The following NUSAP1 variants were observed in gnomAD, a reference collection of about 807,000 sequenced individuals.
NUSAP1 encodes the protein nucleolar and spindle associated protein 1.
Under a neutral mutation model 52.8 loss-of-function variants are expected in NUSAP1, and 32 were observed. The observed-to-expected ratio is 0.61, with a 90% CI of 0.46 to 0.81. NUSAP1 has a LOEUF of 0.81. Ranked by LOEUF, NUSAP1 falls within the 40% of genes least tolerant of loss-of-function variation. NUSAP1 has a pLI of 0.00. For missense variants in NUSAP1, 499 were observed against 522.3 expected, an observed-to-expected ratio of 0.96 and a Z score of 0.43; for synonymous variants, 195 against 183.1, an observed-to-expected ratio of 1.06 and a Z score of -0.52.
At chr15:41,359,678 C>G (rs921125009) in intron 6 of NUSAP1, among the ~76,000 whole-genome samples, 1 of 151,238 alleles carries the variant, frequency 6.6e-6, no homozygotes, top group African/African-American at 2.4e-5. Flanking sequence ...GTTGCCCAGA[C>G]TGGAGGGCAA....
intron 7 of NUSAP1, among the ~76,000 whole-genome samples, chr15:41,370,959 G>A (rs958501702): frequency 6.6e-6 from 1 of 152,068 alleles, no homozygotes; most frequent in African/African-American, 2.4e-5. Flanking sequence ...GACATCTTAT[G>A]AATTGTAAAA....
At chr15:41,336,045 A>G (rs976655689) in intron 1 of NUSAP1, among the ~76,000 whole-genome samples, 3 of 150,910 alleles carry the variant, frequency 2.0e-5, no homozygotes, top group African/African-American at 7.3e-5. Flanking sequence ...GTCTCACCTG[A>G]GGTCAGGAGT....
At chr15:41,348,327 C>A (rs1405659777) in intron 2 of NUSAP1, among the ~76,000 whole-genome samples, 1 of 152,160 alleles carries the variant, frequency 6.6e-6, no homozygotes, top group Non-Finnish European at 1.5e-5. Flanking sequence ...GATCCACCAG[C>A]CTTGGCCTCC....
At chr15:41,365,153 A>G (rs2049339393) in intron 6 of NUSAP1, among the ~76,000 whole-genome samples, 1 of 152,058 alleles carries the variant, frequency 6.6e-6, no homozygotes, top group Non-Finnish European at 1.5e-5. Flanking sequence ...TCAGAGGCCA[A>G]GTCTTTTTGT....
chr15:41,367,702 G>A (rs1184905692), intron 7 of NUSAP1, among the ~76,000 whole-genome samples: 1 of 152,160 alleles, frequency 6.6e-6, no homozygotes, highest in African/African-American at 2.4e-5. Flanking sequence ...TTCTCCCGTA[G>A]TAAGGACTGT....
rs75426159 is a variant in NUSAP1, at chr15:41,336,648, G to GTTTTTTTTTTTTTTT, written c.93+3605_93+3619dup. ...TGGGCATTTGATCCTCCTCCTTTTGGTTTTTTTTTTTTTTTTTTTTTGAGA... is the reference window on the plus strand; with the variant it reads ...TGGGCATTTGATCCTCCTCCTTTTGGTTTTTTTTTTTTTTTTTTTTTTTTTTTTTTTTTTTTGAGA... On this transcript the variant is annotated intron_variant, in intron 1 of 10. Transcript: ENST00000559596. Among the ~76,000 whole-genome samples the GTTTTTTTTTTTTTTT allele has an allele frequency of 6.7e-4, 61 of 91,350 alleles. 2 individuals are homozygous for GTTTTTTTTTTTTTTT. Among genetic ancestry groups the GTTTTTTTTTTTTTTT allele is most frequent in the African/African-American group, 2.3e-3 (58 of 24,958 alleles). The allele number at this position is 91,350 out of a possible 152,430, so 59.9% of individuals were successfully genotyped here.
chr15:41,344,624 C>A (rs938421667), intron 2 of NUSAP1, among the ~76,000 whole-genome samples: 1 of 150,328 alleles, frequency 6.7e-6, no homozygotes, highest in Admixed American at 6.7e-5. Flanking sequence ...GGCGACAAAG[C>A]GAGACTCCGT....
chr15:41,355,461 G>A (rs1344398462), intron 4 of NUSAP1, among the ~76,000 whole-genome samples: 3 of 151,880 alleles, frequency 2.0e-5, no homozygotes, highest in Admixed American at 6.6e-5. Context: ...GGGAGCCACC[G>A]CGGCGCCTGA....
At chr15:41,363,853 T>C (rs1248386158) in intron 6 of NUSAP1, among the ~76,000 whole-genome samples, 1 of 152,234 alleles carries the variant, frequency 6.6e-6, no homozygotes, top group Non-Finnish European at 1.5e-5. Context: ...CTAAGACAGA[T>C]ACCCTAAGTG....
At position 41,356,132 on chromosome 15, in the gene NUSAP1, C is replaced by G; in HGVS notation, c.542C>G (p.Thr181Ser). 6.3e-7 allele frequency: 1 copy of G among 1,586,162 alleles called. No homozygotes were observed. The highest frequency in any genetic ancestry group is 8.6e-7 in the Non-Finnish European group (1 of 1,160,384). ...GGAAAAAATAAAAGAACTGCAATCA[C>G]TACTCCAAGTAAGTTTTGTAGACAA... ...KPGKNKRTAI[T>S]TPNFKKLHEA... The change falls in exon 5 of 11, where the codon ACT (threonine) becomes AGT (serine). Residue 181 changes from threonine (T) to serine (S), a missense_variant. Thr to Ser is a moderately conservative substitution (Grantham distance 58). Coordinates refer to ENST00000559596, the MANE Select transcript of NUSAP1 (RefSeq NM_016359.5).
At chr15:41,369,340 T>C (rs562611917) in intron 7 of NUSAP1, among the ~76,000 whole-genome samples, 8 of 152,216 alleles carry the variant, frequency 5.3e-5, no homozygotes, top group Admixed American at 5.2e-4. Context: ...TAATTGGTGG[T>C]TCTGATTTCA....
intron 2 of NUSAP1, among the ~76,000 whole-genome samples, chr15:41,346,773 G>A (rs2048587918): frequency 6.6e-6 from 1 of 151,660 alleles, no homozygotes; most frequent in Non-Finnish European, 1.5e-5. Context: ...GTTGCAATGA[G>A]CCAAGATTGT....
chr15:41,376,670 G>A (rs888678139), intron 9 of NUSAP1, among the ~76,000 whole-genome samples: 4 of 151,668 alleles, frequency 2.6e-5, no homozygotes, highest in South Asian at 2.1e-4. Context: ...CAGCCTGGGC[G>A]ACAGAACGAG....
intron 7 of NUSAP1, among the ~76,000 whole-genome samples, chr15:41,366,093 G>C (rs932402250): frequency 6.6e-6 from 1 of 151,956 alleles, no homozygotes; most frequent in Non-Finnish European, 1.5e-5. Flanking sequence ...ATCTCAAATA[G>C]TTATCATTGC....
At chr15:41,345,209 G>A (rs975021675) in intron 2 of NUSAP1, among the ~76,000 whole-genome samples, 4 of 151,810 alleles carry the variant, frequency 2.6e-5, no homozygotes, top group South Asian at 2.1e-4. Flanking sequence ...AATATTGCCC[G>A]GGCTGGTCTC....
chr15:41,357,960 A>G (rs1475986241), intron 5 of NUSAP1, among the ~76,000 whole-genome samples, 189 bp from the exon 6 acceptor site: 5 of 152,204 alleles, frequency 3.3e-5, no homozygotes, highest in African/African-American at 1.2e-4. Context: ...TTGATAGTTT[A>G]TAAGATGAAT....
Position 41,377,270 on chromosome 15 carries a change from A to C in NUSAP1, c.1198A>C (p.Lys400Gln). The stretch of plus-strand genomic sequence containing the variant: ...ACATGTCAACAGAATTAACTTCTAC[A>C]AGAAAACTTACAAACAACCCCATCT... ...NQHVNRINFYKKTYKQPHLQT... is the reference protein window; with the variant it reads ...NQHVNRINFYQKTYKQPHLQT... Residue 400 changes from lysine to glutamine, a missense_variant, in exon 10 of 11, where the codon AAG becomes CAG. Physicochemically the swap from Lys to Gln is moderately conservative, Grantham distance 53. Transcript: ENST00000559596. 6.5e-7 allele frequency: 1 copy of C among 1,530,332 alleles called. No individual in the cohort carries two copies. The highest frequency in any genetic ancestry group is 8.8e-7 in the Non-Finnish European group (1 of 1,131,772). 94.8% of individuals were successfully genotyped at this position (1,530,332 alleles called of 1,614,324 possible).
Position 41,342,368 on chromosome 15 carries a change from A to C in NUSAP1, c.94-18A>C. ...GTTTATTTGACTTTTGGCTCTAATA[A>C]TAAGGTCTCTCTTGCAGGCAACCAA... is the stretch of plus-strand genomic sequence containing the variant. On this transcript the variant is annotated intron_variant, in intron 1 of 10. Coordinates refer to ENST00000559596, the MANE Select transcript of NUSAP1 (RefSeq NM_016359.5). 3 of 1,542,462 alleles carry C rather than the reference A, an allele frequency of 1.9e-6. No homozygotes were observed. The highest frequency in any genetic ancestry group is 2.7e-6 in the Non-Finnish European group (3 of 1,130,580).
intron 4 of NUSAP1, among the ~76,000 whole-genome samples, chr15:41,353,931 C>T: frequency 6.6e-6 from 1 of 152,164 alleles, no homozygotes; most frequent in East Asian, 1.9e-4. Flanking sequence ...CTATTGTTCC[C>T]TCTGCCTGGA....
Sources: allele counts gnomAD v4.1 joint callset (sites outside exome capture counted in the v4.1 genomes callset), GRCh38; gene constraint gnomAD v4.1.1; transcripts MANE v1.5; gene names NCBI Gene and HGNC (gene_info 2026-07-23, HGNC 2026-07-21).